TRPM3: variants seen among roughly 807,000 people sequenced by gnomAD.
The protein encoded by TRPM3 is long transient receptor potential channel 3.
In TRPM3, 77 loss-of-function variants were observed where a neutral mutation model predicts 181.2. The ratio of observed to expected loss-of-function variants is 0.42; its 90% CI spans 0.35 to 0.51. TRPM3 has a LOEUF of 0.51. Ranked by LOEUF, TRPM3 falls within the 20% of genes least tolerant of loss-of-function variation. The pLI, the probability that TRPM3 is intolerant of heterozygous loss-of-function variation, is 0.01. For missense variants in TRPM3, 1,759 were observed against 2,196.7 expected (o/e 0.80, Z 3.98); for synonymous variants, 745 against 796.4 (o/e 0.94, Z 1.09).
chr9:70,877,804 A>AACACACACACAC (rs5898169), intron 1 of TRPM3, among the ~76,000 whole-genome samples: 36,767 of 145,958 alleles, frequency 0.25, 5,057 homozygotes, highest in Admixed American at 0.3. Flanking sequence ...AAAATCATAA[A>AACACACACACAC]ACACACACAC....
At chr9:71,294,373 C>G (rs552011602) in intron 1 of TRPM3, among the ~76,000 whole-genome samples, 1 of 152,096 alleles carries the variant, frequency 6.6e-6, no homozygotes, top group South Asian at 2.1e-4. Context: ...ACATGATGCT[C>G]AGACTCTTTA....
chr9:71,044,772 C>T (rs889443361), intron 1 of TRPM3, among the ~76,000 whole-genome samples: 1 of 151,074 alleles, frequency 6.6e-6, no homozygotes. Context: ...CCCGGGTTCA[C>T]GCCATTCTCC....
intron 22 of TRPM3, among the ~76,000 whole-genome samples, chr9:70,571,030 T>C (rs1206122759): frequency 6.6e-6 from 1 of 152,192 alleles, no homozygotes; most frequent in East Asian, 1.9e-4. Flanking sequence ...GGCCAGAAAA[T>C]GTCTCCCTGA....
intron 1 of TRPM3, among the ~76,000 whole-genome samples, chr9:71,439,661 T>C (rs893831460): frequency 1.3e-5 from 2 of 152,168 alleles, no homozygotes; most frequent in African/African-American, 4.8e-5. Flanking sequence ...GGCATGGGGA[T>C]ATTTTAGCTT....
chr9:71,037,696 T>C (rs1433292051), intron 1 of TRPM3, among the ~76,000 whole-genome samples: 2 of 152,220 alleles, frequency 1.3e-5, no homozygotes, highest in Non-Finnish European at 2.9e-5. Context: ...ATCGGCATGA[T>C]GAAGAAGACA....
intron 12 of TRPM3, among the ~76,000 whole-genome samples, chr9:70,634,243 G>C (rs2066457633): frequency 6.6e-6 from 1 of 152,048 alleles, no homozygotes; most frequent in African/African-American, 2.4e-5. Context: ...CCAAGTAGCT[G>C]AGCTTACAGG....
chr9:71,006,639 G>T (rs1247117523), intron 1 of TRPM3, among the ~76,000 whole-genome samples: 4 of 152,104 alleles, frequency 2.6e-5, no homozygotes, highest in Non-Finnish European at 5.9e-5. Context: ...GGAGGCCGAG[G>T]TGGGTGGATC....
In TRPM3 at chr9:70,743,206, C is replaced by T. The variant is rs76890170; in HGVS notation, c.1272+18395G>A. On this transcript the variant is annotated intron_variant, in intron 8 of 25. Transcript: ENST00000677713. ...GGAAGGATAGACTAAGTCTGGATCA[C>T]GGAGGGTCTTGAATGTCTGGCTAAG... is the stretch of plus-strand genomic sequence containing the variant. 5.6e-3 allele frequency among the ~76,000 whole-genome samples: 860 copies of T among 152,218 alleles called. 9 individuals carry two copies. Among genetic ancestry groups the T allele is most frequent in the African/African-American group, 0.02 (823 of 41,548 alleles).
chr9:71,330,635 G>T (rs553460943), intron 1 of TRPM3, among the ~76,000 whole-genome samples: 1 of 151,768 alleles, frequency 6.6e-6, no homozygotes, highest in Non-Finnish European at 1.5e-5. Context: ...AAGGAGGGAC[G>T]GGGTGCTGGG....
intron 1 of TRPM3, among the ~76,000 whole-genome samples, chr9:71,084,402 G>T (rs764798354): frequency 7.9e-5 from 12 of 151,776 alleles, no homozygotes; most frequent in Admixed American, 2.0e-4. Context: ...GTTTTAAAAA[G>T]ATTTATTCTG....
chr9:71,376,622 T>G (rs1231846476), intron 1 of TRPM3, among the ~76,000 whole-genome samples: 2 of 152,050 alleles, frequency 1.3e-5, no homozygotes, highest in Non-Finnish European at 2.9e-5. Context: ...GTTCAATAAC[T>G]GTTAGCTATT....
chr9:70,883,632 T>G (rs1315728794), intron 1 of TRPM3, among the ~76,000 whole-genome samples: 3 of 152,182 alleles, frequency 2.0e-5, no homozygotes, highest in Non-Finnish European at 2.9e-5. Context: ...GTGATTTTCA[T>G]AATATAGTTG....
chr9:71,047,593 A>G (rs1176848072), intron 1 of TRPM3, among the ~76,000 whole-genome samples: 1 of 152,194 alleles, frequency 6.6e-6, no homozygotes, highest in African/African-American at 2.4e-5. Context: ...AACTCAGGCT[A>G]TCCTCTGGAT....
Position 70,536,523 on chromosome 9 carries a change from C to T in TRPM3, c.4590G>A (p.Val1530=), listed in dbSNP as rs1177401437. The T allele has an allele frequency of 1.2e-6, 2 of 1,614,180 alleles. No homozygotes were observed. The highest frequency in any genetic ancestry group is 2.2e-5 in the East Asian group (1 of 44,878). The change falls in exon 26 of 26, where the codon GTG becomes GTA. Residue 1530 remains valine, a synonymous_variant. Transcript: ENST00000677713. ...TPFLLEEAPI[V]KSHSFMFSPS... Reference sequence around the variant, plus strand: ...GGGAAAACATAAAGCTATGAGATTTCACAATGGGAGCCTCTTCTAGAAGAA... The same window carrying T: ...GGGAAAACATAAAGCTATGAGATTTTACAATGGGAGCCTCTTCTAGAAGAA...
chr9:70,589,664 A>C (rs553624246), intron 22 of TRPM3, among the ~76,000 whole-genome samples: 2 of 152,330 alleles, frequency 1.3e-5, no homozygotes, highest in South Asian at 2.1e-4. Context: ...AAGATATTAC[A>C]ACCAGGAGAT....
intron 8 of TRPM3, among the ~76,000 whole-genome samples, chr9:70,744,454 C>T (rs558786589): frequency 7.9e-5 from 12 of 152,264 alleles, no homozygotes; most frequent in African/African-American, 2.9e-4. Flanking sequence ...ATTCTTGTCT[C>T]ATTGTTATGC....
chr9:71,301,248 C>T (rs907636112), intron 1 of TRPM3, among the ~76,000 whole-genome samples: 1 of 152,140 alleles, frequency 6.6e-6, no homozygotes, highest in African/African-American at 2.4e-5. Flanking sequence ...TGTCCAAGAG[C>T]ACCCAAAGAA....
chr9:70,924,022 G>A (rs2096693471), intron 1 of TRPM3, among the ~76,000 whole-genome samples: 2 of 150,554 alleles, frequency 1.3e-5, no homozygotes, highest in Admixed American at 6.6e-5. Context: ...TCTTTGTGCT[G>A]TTTTCCTTTA....
chr9:71,418,826 T>TAG (rs60281392), intron 1 of TRPM3, among the ~76,000 whole-genome samples: 59,893 of 142,688 alleles, frequency 0.42, 13,022 homozygotes, highest in South Asian at 0.51. Flanking sequence ...TATATATATA[T>TAG]ATCCTTTGAG....
Sources: allele counts gnomAD v4.1 joint callset (sites outside exome capture counted in the v4.1 genomes callset), GRCh38; gene constraint gnomAD v4.1.1; transcripts MANE v1.5; gene names NCBI Gene and HGNC (gene_info 2026-07-23, HGNC 2026-07-21).